Variants in APOL3 observed in about 807,000 individuals in gnomAD.
APOL3 encodes TNF-inducible protein CG12-1.
In APOL3, 14 loss-of-function variants were observed where a neutral mutation model predicts 11.6. The ratio of observed to expected loss-of-function variants is 1.21; its 90% CI spans 0.80 to 1.89. The LOEUF is 1.89. APOL3 is among the 40% of genes most tolerant of loss of function. The pLI, the probability that APOL3 is intolerant of heterozygous loss-of-function variation, is 0.00. For missense variants in APOL3, 483 were observed against 492.1 expected, an observed-to-expected ratio of 0.98 and a Z score of 0.17; for synonymous variants, 192 against 190.6, an observed-to-expected ratio of 1.01 and a Z score of -0.06.
At chr22:36,140,926 G>T in exon 3 of APOL3, 2 of 407,702 alleles carry the variant, frequency 4.9e-6, no homozygotes, top group South Asian at 5.2e-5. Flanking sequence ...CAATATATTC[G>T]TTAGTCTAAA....
chr22:36,160,979 C>T, upstream of APOL3: 1 of 1,222,264 alleles, frequency 8.2e-7, no homozygotes, highest in South Asian at 1.3e-5. Flanking sequence ...ACCTGCCTCC[C>T]ATACTTAGGG....
intron 1 of APOL3, among the ~76,000 whole-genome samples, chr22:36,156,500 C>G (rs1228942569): frequency 6.6e-6 from 1 of 152,212 alleles, no homozygotes; most frequent in Admixed American, 6.5e-5. Flanking sequence ...CACACAGTCA[C>G]CTTGGGTCCA....
At chr22:36,141,194 C>T in exon 3 of APOL3, 1 of 1,610,676 alleles carries the variant, frequency 6.2e-7, no homozygotes, top group Non-Finnish European at 8.5e-7. Flanking sequence ...CTGCACTGGT[C>T]TGGGGTCAGT....
chr22:36,144,638 T>C (rs2060118660), intron 2 of APOL3, among the ~76,000 whole-genome samples: 3 of 152,116 alleles, frequency 2.0e-5, no homozygotes, highest in African/African-American at 7.2e-5. Flanking sequence ...CCGGACAGCA[T>C]CTCCAGGAAC....
rs1279998990 is a variant in APOL3, at chr22:36,149,157, A to C, written c.224-3558T>G. 5.1e-6 allele frequency: 7 copies of C among 1,361,332 alleles called. No homozygotes were observed. In the East Asian group the frequency reaches 2.8e-4, roughly 54 times the overall value. 84.3% of individuals were successfully genotyped at this position (1,361,332 alleles called of 1,614,324 possible). On this transcript the variant is annotated intron_variant, in intron 1 of 2. Transcript: ENST00000349314. Reference sequence around the variant, plus strand: ...TTTTCTTAACCCTTGAGGAGGAGAAAGCAAATTGTGGGACTGAATGTGAGC... The same window carrying C: ...TTTTCTTAACCCTTGAGGAGGAGAACGCAAATTGTGGGACTGAATGTGAGC...
At chr22:36,141,745 C>A in exon 3 of APOL3, 3 of 1,614,140 alleles carry the variant, frequency 1.9e-6, no homozygotes, top group South Asian at 1.1e-5. Flanking sequence ...CCTACCCCAG[C>A]TGCAGTAAGG....
intron 1 of APOL3, among the ~76,000 whole-genome samples, chr22:36,147,273 G>A (rs891836959): frequency 4.6e-5 from 7 of 152,264 alleles, no homozygotes; most frequent in Non-Finnish European, 7.3e-5. Flanking sequence ...GGCAGTGGAG[G>A]GGGTTCTTTA....
chr22:36,145,397 C>T (rs952346444), intron 2 of APOL3, 76 bp downstream of exon 3: 84 of 1,547,622 alleles, frequency 5.4e-5, no homozygotes, highest in Non-Finnish European at 6.9e-5. Context: ...GGTGTGCCTG[C>T]CAGAGAAAAC....
At chr22:36,141,578 T>A (rs769946068) in exon 3 of APOL3, 6 of 1,614,232 alleles carry the variant, frequency 3.7e-6, no homozygotes, top group Non-Finnish European at 5.1e-6. Flanking sequence ...GAAGGGAAAG[T>A]AAGTTGGGTG....
At chr22:36,142,762 TGA>T (rs1472118212) in intron 2 of APOL3, among the ~76,000 whole-genome samples, 2 of 152,160 alleles carry the variant, frequency 1.3e-5, no homozygotes, top group African/African-American at 4.8e-5. Context: ...AGGCATAGGT[TGA>T]GAAAGACTTT....
chr22:36,154,797 AG>A (rs1233900933), intron 1 of APOL3, among the ~76,000 whole-genome samples: 4 of 152,180 alleles, frequency 2.6e-5, no homozygotes, highest in African/African-American at 9.7e-5. Flanking sequence ...CTGGCTAAAT[AG>A]AATGCCTGTT....
In APOL3 at chr22:36,154,361, G is replaced by A. The variant is rs551111380; in HGVS notation, c.223+6308C>T. 2.5e-5 allele frequency: 7 copies of A among 284,912 alleles called. No individual in the cohort carries two copies. The East Asian group carries it at 6.8e-4, about 28-fold the overall frequency. 17.6% of individuals were successfully genotyped at this position (284,912 alleles called of 1,614,324 possible). A position where few individuals can be genotyped will look rare whatever the true frequency, so the allele number is the denominator to read the frequency against. ...CTTGGTCCAAGATGAATCTGTGAAA[G>A]GCCTTGGGTTGATACTAACATTCAA... On this transcript the variant is annotated intron_variant, in intron 1 of 2. Coordinates refer to ENST00000349314, the Ensembl canonical transcript of APOL3.
intron 1 of APOL3, among the ~76,000 whole-genome samples, chr22:36,158,049 C>CATAAATAAATAA: frequency 6.6e-6 from 1 of 151,670 alleles, no homozygotes; most frequent in African/African-American, 2.4e-5. Context: ...GACTCCATCT[C>CATAAATAAATAA]ATAAATAAAT....
intron 1 of APOL3, among the ~76,000 whole-genome samples, chr22:36,153,904 G>A (rs532139387): frequency 1.7e-4 from 26 of 152,126 alleles, no homozygotes; most frequent in African/African-American, 5.8e-4. Flanking sequence ...CTAGAAAGGC[G>A]GGACAACTCA....
exon 3 of APOL3, chr22:36,140,940 A>AAT (rs2059961409): frequency 4.3e-6 from 2 of 469,230 alleles, no homozygotes; most frequent in Admixed American, 7.6e-5. Context: ...GTCTAAAGGA[A>AAT]ATTTCTTCTT....
chr22:36,161,893 G>A (rs132658), upstream of APOL3, among the ~76,000 whole-genome samples: 80,202 of 151,864 alleles, frequency 0.53, 22,409 homozygotes, highest in East Asian at 0.85. Flanking sequence ...TCAGTCAGCC[G>A]TTTGGTTCAC....
chr22:36,146,511 A>AG (rs970903900), intron 1 of APOL3: 7 of 152,130 alleles, frequency 4.6e-5, no homozygotes, highest in Admixed American at 4.6e-4. Flanking sequence ...TATTGAACAC[A>AG]GCAAGAGTGA....
intron 1 of APOL3, chr22:36,154,467 TTTAA>T (rs1179235391): frequency 2.3e-5 from 9 of 384,882 alleles, no homozygotes; most frequent in Non-Finnish European, 1.6e-5. Flanking sequence ...ACAGAGAATG[TTTAA>T]TTGTTAATTG....
chr22:36,142,162 T>C (rs2060021914), intron 2 of APOL3, 104 bp from the exon 4 acceptor site: 1 of 1,289,020 alleles, frequency 7.8e-7, no homozygotes, highest in Non-Finnish European at 1.0e-6. Context: ...TTACTATGAG[T>C]CAAATGGAAA....
Sources: allele counts gnomAD v4.1 joint callset (sites outside exome capture counted in the v4.1 genomes callset), GRCh38; gene constraint gnomAD v4.1.1; transcripts MANE v1.5; gene names NCBI Gene and HGNC (gene_info 2026-07-23, HGNC 2026-07-21).